The following ARPC2 variants were observed in gnomAD, a reference collection of about 807,000 sequenced individuals.
ARPC2 encodes the protein actin-related protein 2/3 complex subunit 2.
A neutral mutation model predicts 38.6 loss-of-function variants in ARPC2; 4 were observed. The observed-to-expected ratio is 0.10, with a 90% CI of 0.05 to 0.24. The LOEUF is 0.24. Ranked by LOEUF, ARPC2 falls within the 10% of genes least tolerant of loss-of-function variation. The pLI is 1.00. For synonymous variants in ARPC2, 125 were observed against 140.8 expected (o/e 0.89, Z 0.79); for missense variants, 229 against 387.3 (o/e 0.59, Z 3.43).
At chr2:218,249,799 T>A in intron 9 of ARPC2, 22 bp from the exon 10 acceptor site, 1 of 1,597,662 alleles carries the variant, frequency 6.3e-7, no homozygotes, top group Non-Finnish European at 8.6e-7. Flanking sequence ...TGTGCTTTAG[T>A]ACCTGTTATG....
At chr2:218,234,137 C>G (rs1262553844) in intron 4 of ARPC2, 4 of 426,400 alleles carry the variant, frequency 9.4e-6, no homozygotes, top group African/African-American at 6.2e-5. Context: ...CCATTGCACT[C>G]TGTCCCAGGC....
chr2:218,243,811 G>A (rs1384836980), intron 7 of ARPC2, among the ~76,000 whole-genome samples: 2 of 152,180 alleles, frequency 1.3e-5, no homozygotes, highest in Admixed American at 6.5e-5. Flanking sequence ...AGCCAGAAAC[G>A]TATCGTTGAC....
chr2:218,235,290 T>G (rs1689743470), intron 5 of ARPC2: 1 of 159,922 alleles, frequency 6.3e-6, no homozygotes, highest in East Asian at 1.9e-4. Flanking sequence ...ATCCTCCCGC[T>G]TTAGCCTCTC....
At chr2:218,250,424 G>A (rs1264980315) in intron 10 of ARPC2, among the ~76,000 whole-genome samples, 1 of 152,124 alleles carries the variant, frequency 6.6e-6, no homozygotes, top group Non-Finnish European at 1.5e-5. Flanking sequence ...AGCACTTTGG[G>A]AGGCTGAGAT....
chr2:218,217,667 C>G, intron 2 of ARPC2, 123 bp downstream of exon 2: 1 of 1,068,848 alleles, frequency 9.4e-7, no homozygotes, highest in Non-Finnish European at 1.4e-6. Context: ...GGTGTAGGGG[C>G]TGCCCCAGCG....
intron 7 of ARPC2, among the ~76,000 whole-genome samples, chr2:218,241,931 A>G (rs1209176047): frequency 2.0e-5 from 3 of 152,206 alleles, no homozygotes; most frequent in Admixed American, 6.5e-5. Flanking sequence ...GGATTTTCCC[A>G]AAAAATAAAT....
chr2:218,227,182 G>GGCACTCA, intron 3 of ARPC2: 1 of 339,796 alleles, frequency 2.9e-6, no homozygotes. Context: ...ATAAAGTGAT[G>GGCACTCA]GCACTCAGCA....
intron 2 of ARPC2, among the ~76,000 whole-genome samples, chr2:218,218,054 A>G (rs1689296749): frequency 6.6e-6 from 1 of 152,140 alleles, no homozygotes; most frequent in African/African-American, 2.4e-5. Context: ...AGCAGAAGAG[A>G]AGACTAAAAG....
At chr2:218,250,088 T>C (rs1690149420) in intron 10 of ARPC2, among the ~76,000 whole-genome samples, 167 bp downstream of exon 10, 1 of 152,170 alleles carries the variant, frequency 6.6e-6, no homozygotes, top group South Asian at 2.1e-4. Flanking sequence ...CTCACTGCCA[T>C]ATAGGCCAGG....
intron 3 of ARPC2, chr2:218,227,047 A>G (rs1689515210): frequency 2.2e-6 from 1 of 456,428 alleles, no homozygotes; most frequent in African/African-American, 2.0e-5. Flanking sequence ...AGAGTCCTCG[A>G]CAAGATGATC....
chr2:218,217,369 C>T (rs1467146982), intron 1 of ARPC2, 94 bp from the exon 2 acceptor site: 1 of 1,180,420 alleles, frequency 8.5e-7, no homozygotes, highest in Non-Finnish European at 1.3e-6. Flanking sequence ...CTACCCCACC[C>T]AGCCCCACTC....
At chr2:218,246,885 T>C (rs1690049267) in intron 8 of ARPC2, among the ~76,000 whole-genome samples, 1 of 152,064 alleles carries the variant, frequency 6.6e-6, no homozygotes, top group Admixed American at 6.6e-5. Flanking sequence ...AAGCGAGGCA[T>C]GGCAATTGCT....
intron 4 of ARPC2, among the ~76,000 whole-genome samples, chr2:218,230,291 T>C (rs888410127): frequency 8.7e-5 from 10 of 114,544 alleles, no homozygotes; most frequent in Non-Finnish European, 1.5e-4. Flanking sequence ...TTTTTTCTTT[T>C]TTTTTTTTTT....
In ARPC2 at chr2:218,238,746, G is replaced by A. The variant is rs1217993640; in HGVS notation, c.351G>A (p.Lys117=). Residue 117 remains lysine (K), a synonymous_variant, in exon 6 of 11, where the codon AAG becomes AAA. Transcript: ENST00000315717. ...TTGTGCATCAAGCTGGCATGTTGAA[G>A]CGAAATTGTTTTGCCTCTGTCTTTG... ...DSIVHQAGML[K]RNCFASVFEK... is the part of the protein sequence containing the mutation. 1 of 1,613,974 alleles carries A rather than the reference G, an allele frequency of 6.2e-7. No homozygotes were observed. The highest frequency in any genetic ancestry group is 8.5e-7 in the Non-Finnish European group (1 of 1,179,964).
At chr2:218,247,298 CT>C (rs1223548586) in intron 8 of ARPC2, among the ~76,000 whole-genome samples, 5 of 152,174 alleles carry the variant, frequency 3.3e-5, no homozygotes, top group Non-Finnish European at 7.3e-5. Flanking sequence ...GCCTCATGCA[CT>C]GGCTGATTAT....
Position 218,239,493 on chromosome 2 carries a change from C to G in ARPC2, c.549+9C>G, listed in dbSNP as rs771695197. On this transcript the variant is annotated intron_variant, in intron 7 of 10. Transcript: ENST00000315717. ...GAAAGGTGTTCATGCAGGTATGGAG[C>G]AGACATCTTGGGGGAAACCCATGCA... The G allele has an allele frequency of 2.5e-6, 4 of 1,609,570 alleles. No homozygotes were observed. The South Asian group carries it at 4.4e-5, about 18-fold the overall frequency.
chr2:218,239,532 C>A (rs762148052), intron 7 of ARPC2, 48 bp downstream of exon 7: 13 of 1,415,916 alleles, frequency 9.2e-6, no homozygotes, highest in Non-Finnish European at 1.3e-5. Flanking sequence ...CGACTTATAC[C>A]TTTGCACCCA....
intron 10 of ARPC2, among the ~76,000 whole-genome samples, chr2:218,251,718 GTTGGGA>G (rs906523801): frequency 4.6e-5 from 7 of 152,168 alleles, no homozygotes; most frequent in African/African-American, 1.7e-4. Context: ...CTCCCAAAGT[GTTGGGA>G]TAACAGACAT....
chr2:218,240,328 A>G (rs1689883581), intron 7 of ARPC2, among the ~76,000 whole-genome samples: 1 of 152,180 alleles, frequency 6.6e-6, no homozygotes, highest in Non-Finnish European at 1.5e-5. Context: ...CATACTAACT[A>G]TGAATGAATG....
Sources: gnomAD v4.1 joint callset for allele counts (sites outside exome capture counted in the v4.1 genomes callset) on GRCh38, gnomAD v4.1.1 for gene constraint, MANE v1.5 for transcripts, NCBI Gene and HGNC (gene_info 2026-07-23, HGNC 2026-07-21) for gene names.